The following BUB1 variants were observed in gnomAD, a reference collection of about 807,000 sequenced individuals.
The protein encoded by BUB1 is mitotic checkpoint serine/threonine-protein kinase BUB1.
A neutral mutation model predicts 135.2 loss-of-function variants in BUB1; 84 were observed. That is an observed-to-expected ratio of 0.62 (90% CI 0.52 to 0.74). BUB1 has a LOEUF of 0.74. Among genes scored for constraint, BUB1 ranks in the 30% least tolerant of loss-of-function variants. The pLI is 0.00. For missense variants in BUB1, 1,162 were observed against 1,288.3 expected (o/e 0.90, Z 1.50); for synonymous variants, 403 against 434.4 (o/e 0.93, Z 0.90).
intron 11 of BUB1, among the ~76,000 whole-genome samples, chr2:110,659,637 T>C (rs948793153): frequency 2.0e-5 from 3 of 152,224 alleles, no homozygotes; most frequent in African/African-American, 7.2e-5. Context: ...AACAAAGTAG[T>C]ACCGAATAAC....
intron 19 of BUB1, 56 bp downstream of exon 19, chr2:110,649,178 T>A: frequency 6.6e-7 from 1 of 1,521,172 alleles, no homozygotes; most frequent in Non-Finnish European, 9.0e-7. Flanking sequence ...CACGTTACCA[T>A]CAACTTCTCA....
At chr2:110,669,739 C>T (rs999721240) in intron 5 of BUB1, among the ~76,000 whole-genome samples, 186 bp from the exon 6 acceptor site, 1 of 152,120 alleles carries the variant, frequency 6.6e-6, no homozygotes, top group Non-Finnish European at 1.5e-5. Context: ...TTCTGATCAA[C>T]TCAACATGCC....
In BUB1 at chr2:110,644,644, G is replaced by A. The variant is rs146527382; in HGVS notation, c.2348-2410C>T. Among the ~76,000 whole-genome samples, 1,098 of 152,096 alleles carry A rather than the reference G, an allele frequency of 7.2e-3. 6 individuals carry two copies. The highest frequency in any genetic ancestry group is 0.014 in the Middle Eastern group (4 of 292). ...TATTCAAACTGCAGAAAAAGACACA[G>A]AGAAAATATTCAAAGAAGCAAGACA... On this transcript the variant is annotated intron_variant, in intron 19 of 24. Coordinates refer to ENST00000302759, the MANE Select transcript of BUB1 (RefSeq NM_004336.5).
rs781683255 is a variant in BUB1 at position 110,650,526 on chromosome 2, C to T, written c.2203+20G>A. The T allele has an allele frequency of 6.2e-7, 1 of 1,607,602 alleles. No individual in the cohort carries two copies. The highest frequency in any genetic ancestry group is 8.5e-7 in the Non-Finnish European group (1 of 1,175,618). On this transcript the variant is annotated intron_variant, in intron 18 of 24. Transcript: ENST00000302759. ...CTCCTGTCCTGATTCAAGGGCATAA[C>T]AAAGAGTGAGTGTTCGTACTTGGAG... is the stretch of plus-strand genomic sequence containing the variant.
chr2:110,663,564 C>G (rs567041398), intron 9 of BUB1, among the ~76,000 whole-genome samples: 10 of 152,316 alleles, frequency 6.6e-5, no homozygotes, highest in African/African-American at 2.4e-4. Context: ...CTCCAAAAAT[C>G]TCACCAACAT....
chr2:110,659,892 C>A (rs1033745601), intron 11 of BUB1, 86 bp downstream of exon 11: 4 of 1,121,422 alleles, frequency 3.6e-6, no homozygotes, highest in South Asian at 2.9e-5. Flanking sequence ...AGGCCTGAAG[C>A]CTTCATAAAC....
In BUB1 at chr2:110,672,750, G is replaced by A. The variant is rs1346202647; in HGVS notation, c.333C>T (p.Ala111=). Residue 111 remains alanine (A), a synonymous_variant, in exon 4 of 25, where the codon GCC becomes GCT. Coordinates refer to ENST00000302759, the MANE Select transcript of BUB1 (RefSeq NM_004336.5). ...LYIAWAGHLE[A]QGELQHASAV... is the part of the protein sequence containing the mutation. ...CACTGGCATGCTGCAGCTCTCCTTG[G>A]GCTTCCAGATGCCCCGCCCAGGCAA... 8.1e-6 allele frequency: 13 copies of A among 1,614,024 alleles called. No homozygotes were observed. Among genetic ancestry groups the A allele is most frequent in the South Asian group, 1.1e-5 (1 of 91,086 alleles).
chr2:110,662,070 A>C (rs1038391133), intron 9 of BUB1: 11 of 497,318 alleles, frequency 2.2e-5, no homozygotes, highest in African/African-American at 5.8e-5. Context: ...CACCATCAGC[A>C]GCTTATAATT....
chr2:110,637,956 T>A lies in BUB1; in HGVS notation c.*8A>T. 6.8e-7 allele frequency: 1 copy of A among 1,461,314 alleles called. No individual in the cohort carries two copies. The highest frequency in any genetic ancestry group is 1.5e-5 in the South Asian group (1 of 64,962). 90.5% of individuals were successfully genotyped at this position (1,461,314 alleles called of 1,614,324 possible). Reference sequence around the variant, plus strand: ...GTGTGATTTTTAAGGACTGTCTATATCCAAATTTTATTTTCGTGAACGCTT... The same window carrying A: ...GTGTGATTTTTAAGGACTGTCTATAACCAAATTTTATTTTCGTGAACGCTT... On this transcript the variant is annotated 3_prime_UTR_variant, in exon 25 of 25. Coordinates refer to ENST00000302759, the MANE Select transcript of BUB1 (RefSeq NM_004336.5).
intron 19 of BUB1, among the ~76,000 whole-genome samples, chr2:110,645,742 A>T (rs1057424925): frequency 1.3e-5 from 2 of 151,952 alleles, no homozygotes; most frequent in Non-Finnish European, 2.9e-5. Flanking sequence ...TTTTTAAAAA[A>T]ATATTTGTAG....
At chr2:110,660,945 T>C (rs1375136130) in intron 10 of BUB1, 1 of 152,256 alleles carries the variant, frequency 6.6e-6, no homozygotes, top group African/African-American at 2.4e-5. Flanking sequence ...GTTCCCTTAA[T>C]AAACCCTGTT....
At chr2:110,669,328 T>TCTC in intron 6 of BUB1, 125 bp downstream of exon 6, 1 of 682,212 alleles carries the variant, frequency 1.5e-6, no homozygotes, top group Admixed American at 2.4e-5. Flanking sequence ...GTGGCTGACA[T>TCTC]GGAGCTCAGA....
chr2:110,637,870 C>G lies in BUB1; in HGVS notation c.*94G>C, dbSNP rs1689404216. 3.3e-6 allele frequency: 3 copies of G among 899,760 alleles called. No homozygotes were observed. The highest frequency in any genetic ancestry group is 4.7e-6 in the Non-Finnish European group (3 of 645,022). The allele number at this position is 899,760 out of a possible 1,614,324, so 55.7% of individuals were successfully genotyped here. Reference sequence around the variant, plus strand: ...TTCCATGGGATTTATTTTTAACAAACATTTACATAAACAATAAATGAAAAA... The same window carrying G: ...TTCCATGGGATTTATTTTTAACAAAGATTTACATAAACAATAAATGAAAAA... On this transcript the variant is annotated 3_prime_UTR_variant, in exon 25 of 25. Coordinates refer to ENST00000302759, the MANE Select transcript of BUB1 (RefSeq NM_004336.5).
chr2:110,641,466 T>A lies in BUB1; in HGVS notation c.2626-2A>T. On this transcript the variant is annotated splice_acceptor_variant, in intron 21 of 24. Transcript: ENST00000302759. LOFTEE classifies it high-confidence loss of function. ...ATTTTTATAGAGGTTAATGGCATTCTAGGAACAATGGAAAGTGGAATCCTG... is the reference window on the plus strand; with the variant it reads ...ATTTTTATAGAGGTTAATGGCATTCAAGGAACAATGGAAAGTGGAATCCTG... 6.2e-7 allele frequency: 1 copy of A among 1,601,896 alleles called. No individual in the cohort carries two copies. The highest frequency in any genetic ancestry group is 8.5e-7 in the Non-Finnish European group (1 of 1,176,072).
At chr2:110,652,551 C>A (rs1021208078) in intron 17 of BUB1, among the ~76,000 whole-genome samples, 2 of 141,794 alleles carry the variant, frequency 1.4e-5, no homozygotes, top group Admixed American at 1.5e-4. Context: ...TGTTTTTTAA[C>A]AAAATGTTGT....
chr2:110,672,529 C>T (rs1690450002), intron 4 of BUB1, 132 bp downstream of exon 4: 1 of 875,450 alleles, frequency 1.1e-6, no homozygotes. Context: ...TTTCTTTACA[C>T]TATCCTGTAT....
At position 110,663,902 on chromosome 2, in the gene BUB1, G is replaced by A. The variant is rs186235909; in HGVS notation, c.958-2061C>T. 7.6e-3 allele frequency among the ~76,000 whole-genome samples: 1,148 copies of A among 151,844 alleles called. 20 individuals carry two copies. Among genetic ancestry groups the A allele is most frequent in the African/African-American group, 0.026 (1,081 of 41,416 alleles). On this transcript the variant is annotated intron_variant, in intron 9 of 24. Coordinates refer to ENST00000302759, the MANE Select transcript of BUB1 (RefSeq NM_004336.5). ...AAATTAGCCAGGCATGGTGGCAGGC[G>A]CCTGTAGTCCCAGCTACTCAGGAGG... is the stretch of plus-strand genomic sequence containing the variant.
chr2:110,653,506 G>A lies in BUB1; in HGVS notation c.1894C>T (p.Gln632Ter). The A allele has an allele frequency of 6.2e-7, 1 of 1,613,838 alleles. No individual in the cohort carries two copies. The highest frequency in any genetic ancestry group is 1.1e-5 in the South Asian group (1 of 91,076). Residue 632 changes from glutamine to a stop codon, truncating the protein, a stop_gained, in exon 17 of 25, where the codon CAG becomes TAG. Transcript: ENST00000302759. LOFTEE classifies it high-confidence loss of function. Reference sequence around the variant, plus strand: ...GAATCCAAAGTCGCCTGGGTACACTGTTTTGCTACCACATTTTCTGAAAGA... The same window carrying A: ...GAATCCAAAGTCGCCTGGGTACACTATTTTGCTACCACATTTTCTGAAAGA... ...LEDKENVVAK[Q>*]CTQATLDSCE...
intron 1 of BUB1, chr2:110,676,643 A>C (rs1008082558): frequency 3.9e-5 from 6 of 152,214 alleles, no homozygotes; most frequent in African/African-American, 1.4e-4. Context: ...AAGAATAAGA[A>C]AGAACTTTAT....
Sources: gnomAD v4.1 joint callset for allele counts (sites outside exome capture counted in the v4.1 genomes callset) on GRCh38, gnomAD v4.1.1 for gene constraint, MANE v1.5 for transcripts, NCBI Gene and HGNC (gene_info 2026-07-23, HGNC 2026-07-21) for gene names.